The following EYS variants were observed in gnomAD, a reference collection of about 807,000 sequenced individuals.
The protein encoded by EYS is EGF-like photoreceptor maintenance factor, also known as protein eyes shut homolog.
Under a neutral mutation model 282.1 loss-of-function variants are expected in EYS, and 250 were observed. The observed-to-expected ratio is 0.89, with a 90% CI of 0.80 to 0.98. The LOEUF (loss-of-function observed/expected upper bound fraction) is 0.98, where lower values mean the gene tolerates loss of function less well. EYS is among the 50% of genes least tolerant of loss of function. The pLI, the probability that EYS is intolerant of heterozygous loss-of-function variation, is 0.00. For missense variants in EYS, 4,016 were observed against 3,709.0 expected (o/e 1.08, Z -2.15); for synonymous variants, 1,355 against 1,282.9 (o/e 1.06, Z -1.20).
intron 7 of EYS, among the ~76,000 whole-genome samples, chr6:65,396,578 A>T (rs1434966003): frequency 6.6e-6 from 1 of 152,066 alleles, no homozygotes; most frequent in Non-Finnish European, 1.5e-5. Flanking sequence ...CCCTACTTTA[A>T]TTCAACACCC....
At chr6:65,557,991 G>C (rs1465940254) in intron 2 of EYS, among the ~76,000 whole-genome samples, 1 of 152,092 alleles carries the variant, frequency 6.6e-6, no homozygotes, top group African/African-American at 2.4e-5. Flanking sequence ...GGGTGGCCAT[G>C]GGAGGACCTG....
intron 29 of EYS, among the ~76,000 whole-genome samples, chr6:64,307,794 T>A (rs574014234): frequency 2.6e-5 from 4 of 152,164 alleles, no homozygotes; most frequent in African/African-American, 9.6e-5. Flanking sequence ...ACTATTTTAC[T>A]ACCCATATGT....
At chr6:65,174,286 A>T (rs1765176207) in intron 12 of EYS, among the ~76,000 whole-genome samples, 1 of 151,306 alleles carries the variant, frequency 6.6e-6, no homozygotes, top group Non-Finnish European at 1.5e-5. Flanking sequence ...AGAACTTTCC[A>T]TTGCTCATCA....
intron 29 of EYS, among the ~76,000 whole-genome samples, chr6:64,356,243 T>C (rs973481801): frequency 3.3e-5 from 5 of 151,496 alleles, no homozygotes; most frequent in African/African-American, 4.8e-5. Context: ...TAGGTGTGTA[T>C]ATTTATGGGG....
intron 12 of EYS, among the ~76,000 whole-genome samples, chr6:65,206,010 C>T (rs777227891): frequency 9.2e-5 from 14 of 151,368 alleles, no homozygotes; most frequent in Non-Finnish European, 1.3e-4. Flanking sequence ...AGTCAAAGCT[C>T]GCAGAAGAAA....
intron 13 of EYS, among the ~76,000 whole-genome samples, chr6:65,045,322 C>T (rs185263886): frequency 6.6e-6 from 1 of 151,984 alleles, no homozygotes; most frequent in Non-Finnish European, 1.5e-5. Flanking sequence ...CTTGAATCAA[C>T]CTCCCACTGT....
intron 22 of EYS, among the ~76,000 whole-genome samples, chr6:64,690,460 CA>C (rs771477523): frequency 1.1e-3 from 167 of 152,204 alleles, no homozygotes; most frequent in Non-Finnish European, 2.0e-3. Context: ...CCATTTGACC[CA>C]AAGATCCTAT....
intron 22 of EYS, among the ~76,000 whole-genome samples, chr6:64,628,493 G>A (rs2149858817): frequency 6.6e-6 from 1 of 152,150 alleles, no homozygotes; most frequent in South Asian, 2.1e-4. Context: ...ATAGCTCACT[G>A]TAATATAAAA....
At chr6:65,558,638 C>A (rs186339170) in intron 2 of EYS, among the ~76,000 whole-genome samples, 1 of 152,166 alleles carries the variant, frequency 6.6e-6, no homozygotes, top group Non-Finnish European at 1.5e-5. Flanking sequence ...ACCACTGCCA[C>A]CAACAAGATG....
At chr6:64,412,442 T>C (rs1773932758) in intron 28 of EYS, among the ~76,000 whole-genome samples, 1 of 152,140 alleles carries the variant, frequency 6.6e-6, no homozygotes. Flanking sequence ...TCTAATGCTG[T>C]GTCTACCTAA....
At chr6:64,486,591 C>T (rs372710221) in intron 26 of EYS, among the ~76,000 whole-genome samples, 2 of 151,460 alleles carry the variant, frequency 1.3e-5, no homozygotes, top group East Asian at 3.9e-4. Context: ...AGCAGGCATG[C>T]GGTCTGTATG....
At chr6:64,447,592 TAAA>T (rs1775156814) in intron 26 of EYS, among the ~76,000 whole-genome samples, 1 of 152,168 alleles carries the variant, frequency 6.6e-6, no homozygotes, top group African/African-American at 2.4e-5. Flanking sequence ...CTAATTTATA[TAAA>T]GCATATTTTA....
intron 35 of EYS, among the ~76,000 whole-genome samples, chr6:63,932,157 A>G (rs1462759873): frequency 6.6e-6 from 1 of 152,244 alleles, no homozygotes; most frequent in African/African-American, 2.4e-5. Context: ...CACAAATGAC[A>G]GGATTTCATT....
intron 28 of EYS, among the ~76,000 whole-genome samples, chr6:64,402,092 A>C (rs1171845338): frequency 2.6e-5 from 4 of 152,188 alleles, no homozygotes; most frequent in Admixed American, 2.6e-4. Context: ...CCACTTGCCA[A>C]GGTTTTTATT....
intron 30 of EYS, among the ~76,000 whole-genome samples, chr6:64,286,942 T>A (rs979586164): frequency 6.6e-6 from 1 of 152,094 alleles, no homozygotes; most frequent in Non-Finnish European, 1.5e-5. Flanking sequence ...TAGTAATATA[T>A]CTGGTACAAT....
chr6:65,125,877 A>G, intron 12 of EYS, among the ~76,000 whole-genome samples: 1 of 152,118 alleles, frequency 6.6e-6, no homozygotes, highest in Admixed American at 6.6e-5. Context: ...TGTGAGTAAC[A>G]AAACTTTTTG....
intron 2 of EYS, among the ~76,000 whole-genome samples, chr6:65,557,039 C>T (rs1768839524): frequency 6.6e-6 from 1 of 152,104 alleles, no homozygotes; most frequent in Admixed American, 6.5e-5. Flanking sequence ...AGATTTTAGT[C>T]ATTAAAAATG....
At chr6:63,758,140 C>T (rs1039550007) in intron 41 of EYS, among the ~76,000 whole-genome samples, 1 of 152,102 alleles carries the variant, frequency 6.6e-6, no homozygotes, top group African/African-American at 2.4e-5. Flanking sequence ...TAGCCTCAAA[C>T]AGTCCTCCTG....
At chr6:63,937,403 C>T (rs1017724593) in intron 35 of EYS, among the ~76,000 whole-genome samples, 2 of 50,096 alleles carry the variant, frequency 4.0e-5, no homozygotes, top group African/African-American at 6.7e-5. Flanking sequence ...TTTTTTGAGA[C>T]GGAGTCTCAC....
Sources: gnomAD v4.1 joint callset for allele counts (sites outside exome capture counted in the v4.1 genomes callset) on GRCh38, gnomAD v4.1.1 for gene constraint, MANE v1.5 for transcripts, NCBI Gene and HGNC (gene_info 2026-07-23, HGNC 2026-07-21) for gene names.